Variants in SEMA5B observed in about 807,000 individuals in gnomAD.
The protein encoded by SEMA5B is semaphorin 5B, also known as semaphorin-5B.
Under a neutral mutation model 135.0 loss-of-function variants are expected in SEMA5B, and 66 were observed. That is an observed-to-expected ratio of 0.49 (90% CI 0.40 to 0.60). The LOEUF (loss-of-function observed/expected upper bound fraction) is 0.60, where lower values mean the gene tolerates loss of function less well. Among genes scored for constraint, SEMA5B ranks in the 20% least tolerant of loss-of-function variants. The pLI is 0.00. For synonymous variants in SEMA5B, 690 were observed against 639.5 expected (o/e 1.08, Z -1.19); for missense variants, 1,501 against 1,566.3 (o/e 0.96, Z 0.70).
chr3:122,996,471 C>T (rs951563117), intron 1 of SEMA5B, among the ~76,000 whole-genome samples: 5 of 152,228 alleles, frequency 3.3e-5, no homozygotes, highest in African/African-American at 9.6e-5. Context: ...GCCCTGACCC[C>T]GGCCCCGTGC....
chr3:122,967,201 T>C (rs1280715945), intron 1 of SEMA5B, among the ~76,000 whole-genome samples: 1 of 152,128 alleles, frequency 6.6e-6, no homozygotes, highest in Non-Finnish European at 1.5e-5. Flanking sequence ...ATGTTTATTA[T>C]AATAAGCCTT....
chr3:122,953,168 C>T lies in SEMA5B; in HGVS notation c.125-4459G>A, dbSNP rs140589077. 5.9e-3 allele frequency among the ~76,000 whole-genome samples: 897 copies of T among 152,250 alleles called. 6 individuals carry two copies. Among genetic ancestry groups the T allele is most frequent in the African/African-American group, 0.02 (851 of 41,534 alleles). ...GCTGGGGCTTTTCTCTTGTCAGCCC[C>T]TAAGAACAGCCAAGGTGCCAGGACA... is the stretch of plus-strand genomic sequence containing the variant. On this transcript the variant is annotated intron_variant, in intron 2 of 22. Coordinates refer to ENST00000357599, the MANE Select transcript of SEMA5B (RefSeq NM_001031702.4).
chr3:123,024,906 A>G (rs1260752246), intron 1 of SEMA5B, among the ~76,000 whole-genome samples: 1 of 152,098 alleles, frequency 6.6e-6, no homozygotes, highest in Non-Finnish European at 1.5e-5. Flanking sequence ...GGCCACTCTA[A>G]TTGCCTGATC....
intron 1 of SEMA5B, among the ~76,000 whole-genome samples, chr3:122,979,479 C>T (rs1026351812): frequency 2.6e-5 from 4 of 152,204 alleles, no homozygotes; most frequent in African/African-American, 7.2e-5. Context: ...ATAGCACTTA[C>T]TTTCATTTGT....
chr3:122,950,639 G>A (rs1306446922), intron 2 of SEMA5B, among the ~76,000 whole-genome samples: 4 of 152,166 alleles, frequency 2.6e-5, no homozygotes, highest in African/African-American at 2.4e-5. Flanking sequence ...CATTTCTCTA[G>A]TAATTTACTT....
intron 1 of SEMA5B, among the ~76,000 whole-genome samples, chr3:122,985,074 G>A (rs191946256): frequency 2.0e-3 from 305 of 152,204 alleles, no homozygotes; most frequent in Middle Eastern, 3.4e-3. Context: ...CAATCTTTTC[G>A]TCTGCATATA....
At chr3:122,995,935 G>T (rs1023979025) in intron 1 of SEMA5B, among the ~76,000 whole-genome samples, 2 of 152,222 alleles carry the variant, frequency 1.3e-5, no homozygotes, top group African/African-American at 2.4e-5. Context: ...GCAGAGCTAC[G>T]TTGATGGGTC....
chr3:122,986,694 C>T (rs894784843), intron 1 of SEMA5B, among the ~76,000 whole-genome samples: 2 of 152,008 alleles, frequency 1.3e-5, no homozygotes, highest in Non-Finnish European at 2.9e-5. Flanking sequence ...GGAACACACA[C>T]ACAGACACAC....
chr3:122,961,357 G>C, intron 1 of SEMA5B, 56 bp from the exon 2 acceptor site: 1 of 1,519,662 alleles, frequency 6.6e-7, no homozygotes, highest in Non-Finnish European at 9.0e-7. Context: ...AGGCAAAAGA[G>C]ATGAGGTCAG....
At chr3:122,991,810 G>A (rs1394566940) in intron 1 of SEMA5B, among the ~76,000 whole-genome samples, 1 of 152,118 alleles carries the variant, frequency 6.6e-6, no homozygotes, top group Non-Finnish European at 1.5e-5. Context: ...GGACCTCAGA[G>A]GTTATCTTGT....
chr3:122,945,720 C>T (rs934165102), intron 3 of SEMA5B, among the ~76,000 whole-genome samples: 1 of 151,624 alleles, frequency 6.6e-6, no homozygotes, highest in Admixed American at 6.6e-5. Flanking sequence ...GACGGGTCTG[C>T]AGTAGATACT....
intron 2 of SEMA5B, among the ~76,000 whole-genome samples, chr3:122,953,075 C>A (rs1460473410): frequency 6.6e-6 from 1 of 152,190 alleles, no homozygotes; most frequent in Non-Finnish European, 1.5e-5. Flanking sequence ...CCTGGGGGGA[C>A]CCTGACTGAT....
rs141767235 is a variant in SEMA5B, at chr3:122,965,229, A to G, written c.-38-3928T>C. Among the ~76,000 whole-genome samples the G allele has an allele frequency of 9.8e-5, 15 of 152,334 alleles. No individual in the cohort carries two copies. The East Asian group carries it at 2.9e-3, about 29-fold the overall frequency. On this transcript the variant is annotated intron_variant, in intron 1 of 22. Coordinates refer to ENST00000357599, the MANE Select transcript of SEMA5B (RefSeq NM_001031702.4). ...GAAGTCCCCAGCTCTCTTTGTGGCT[A>G]ACATGATTGCCTCCCTGAAATTCAT...
Position 122,911,614 on chromosome 3 carries a change from G to A in SEMA5B, c.3047-79C>T, listed in dbSNP as rs534316993. 365 of 1,442,264 alleles carry A rather than the reference G, an allele frequency of 2.5e-4. 1 individual carries two copies. In the African/African-American group the frequency reaches 4.7e-3, roughly 19 times the overall value. 89.3% of individuals were successfully genotyped at this position (1,442,264 alleles called of 1,614,324 possible). A position where few individuals can be genotyped will look rare whatever the true frequency, so the allele number is the denominator to read the frequency against. The stretch of plus-strand genomic sequence containing the variant: ...CCCTGCAGGGTAGGCGTAAGCCTGG[G>A]AGGACCTCTAGGTCAACGCTCAGAC... On this transcript the variant is annotated intron_variant, in intron 20 of 22. Transcript: ENST00000357599.
Position 122,948,714 on chromosome 3 carries a change from A to G in SEMA5B, c.125-5T>C. ...GAGGCAGACAGGGGAGAAGACCTGCAACGTAAACACTCAGTCTCACCAAGC... is the reference window on the plus strand; with the variant it reads ...GAGGCAGACAGGGGAGAAGACCTGCGACGTAAACACTCAGTCTCACCAAGC... On this transcript the variant is annotated splice_polypyrimidine_tract_variant and splice_region_variant and intron_variant, in intron 2 of 22. Coordinates refer to ENST00000357599, the MANE Select transcript of SEMA5B (RefSeq NM_001031702.4). The G allele has an allele frequency of 1.9e-6, 3 of 1,590,194 alleles. No individual in the cohort carries two copies. The South Asian group carries it at 3.4e-5, about 18-fold the overall frequency.
At chr3:122,925,573 G>A (rs993623397) in intron 9 of SEMA5B, among the ~76,000 whole-genome samples, 2 of 152,000 alleles carry the variant, frequency 1.3e-5, no homozygotes, top group Non-Finnish European at 2.9e-5. Flanking sequence ...GAGGCTGAGA[G>A]TCAGGAGAAT....
intron 1 of SEMA5B, among the ~76,000 whole-genome samples, chr3:122,980,591 C>T (rs917791883): frequency 2.0e-5 from 3 of 152,170 alleles, no homozygotes; most frequent in Non-Finnish European, 4.4e-5. Flanking sequence ...TCTGGCCAGC[C>T]GTGCTCTTCC....
In SEMA5B at chr3:122,956,702, AC is replaced by A. The variant is rs572136669; in HGVS notation, c.124+4437del. Among the ~76,000 whole-genome samples, 210 of 151,348 alleles carry A rather than the reference AC, an allele frequency of 1.4e-3. 1 individual carries two copies. Among genetic ancestry groups the A allele is most frequent in the South Asian group, 5.5e-3 (26 of 4,750 alleles). ...TTTCAGACAGGGGATCGCCCAGACC[AC>A]CCCGGGGTGGGTAGCAGCTGAGTTG... On this transcript the variant is annotated intron_variant, in intron 2 of 22. Transcript: ENST00000357599.
chr3:122,924,012 C>G (rs1455723179), intron 9 of SEMA5B, among the ~76,000 whole-genome samples: 2 of 152,088 alleles, frequency 1.3e-5, no homozygotes, highest in Non-Finnish European at 2.9e-5. Context: ...TTCGGGGGCG[C>G]TGAAATACAG....
Sources: gnomAD v4.1 joint callset for allele counts (sites outside exome capture counted in the v4.1 genomes callset) on GRCh38, gnomAD v4.1.1 for gene constraint, MANE v1.5 for transcripts, NCBI Gene and HGNC (gene_info 2026-07-23, HGNC 2026-07-21) for gene names.